The following ROBO1 variants were observed in gnomAD, a reference collection of about 807,000 sequenced individuals.
ROBO1 encodes the protein roundabout homolog 1.
ROBO1 carries 149 observed loss-of-function variants against 195.9 expected under a neutral mutation model. The observed-to-expected ratio is 0.76, with a 90% CI of 0.67 to 0.87. ROBO1 has a LOEUF of 0.87. Among genes scored for constraint, ROBO1 ranks in the 40% least tolerant of loss-of-function variants. The pLI is 0.00. For missense variants in ROBO1, 1,933 were observed against 2,068.3 expected, an observed-to-expected ratio of 0.93 and a Z score of 1.27; for synonymous variants, 816 against 733.2, an observed-to-expected ratio of 1.11 and a Z score of -1.82.
At chr3:79,043,155 G>A (rs1033123846) in intron 3 of ROBO1, among the ~76,000 whole-genome samples, 1 of 152,060 alleles carries the variant, frequency 6.6e-6, no homozygotes, top group African/African-American at 2.4e-5. Flanking sequence ...AACAGTAGAT[G>A]CAATTCATCA....
intron 4 of ROBO1, among the ~76,000 whole-genome samples, chr3:78,785,903 T>C (rs1381401476): frequency 6.6e-6 from 1 of 152,182 alleles, no homozygotes; most frequent in East Asian, 1.9e-4. Flanking sequence ...CAAGCAGCAG[T>C]CCAAAGAGGG....
intron 2 of ROBO1, among the ~76,000 whole-genome samples, chr3:79,545,448 T>A (rs1942229505): frequency 6.6e-6 from 1 of 152,160 alleles, no homozygotes; most frequent in Non-Finnish European, 1.5e-5. Flanking sequence ...CTTGCTAACC[T>A]TGCCAGAAGG....
chr3:79,029,083 A>C (rs2078250222), intron 3 of ROBO1, among the ~76,000 whole-genome samples: 2 of 152,092 alleles, frequency 1.3e-5, no homozygotes, highest in Non-Finnish European at 1.5e-5. Context: ...TGATTATGAC[A>C]TCACCATACA....
intron 5 of ROBO1, among the ~76,000 whole-genome samples, chr3:78,742,863 G>C (rs1462020816): frequency 1.3e-5 from 2 of 152,116 alleles, no homozygotes; most frequent in Non-Finnish European, 2.9e-5. Context: ...TGGGGGAACT[G>C]GTGCTCTTTA....
At chr3:79,596,759 G>T (rs1944183565) in intron 1 of ROBO1, among the ~76,000 whole-genome samples, 1 of 152,002 alleles carries the variant, frequency 6.6e-6, no homozygotes, top group South Asian at 2.1e-4. Flanking sequence ...CAAAATGTCA[G>T]AGAATTAGAA....
chr3:78,713,272 CT>C (rs112214497), intron 8 of ROBO1, among the ~76,000 whole-genome samples: 5,932 of 151,822 alleles, frequency 0.039, 385 homozygotes, highest in African/African-American at 0.14. Flanking sequence ...ATTCTTTACT[CT>C]TTTTTTTCTA....
intron 4 of ROBO1, among the ~76,000 whole-genome samples, chr3:78,798,648 C>A (rs2084256821): frequency 6.6e-6 from 1 of 152,092 alleles, no homozygotes; most frequent in Non-Finnish European, 1.5e-5. Flanking sequence ...CAAAAGAGAT[C>A]AAAAGAGATT....
At chr3:78,789,267 T>G (rs2108518088) in intron 4 of ROBO1, among the ~76,000 whole-genome samples, 1 of 152,222 alleles carries the variant, frequency 6.6e-6, no homozygotes, top group South Asian at 2.1e-4. Flanking sequence ...AGATTAAAGC[T>G]AAGATATTGA....
rs766280253 is a variant in ROBO1 at position 78,938,701 on chromosome 3, T to G, written c.399A>C (p.Val133=). The change falls in exon 4 of 31, where the codon GTA becomes GTC. Residue 133 remains valine (V), a synonymous_variant. Transcript: ENST00000464233. ...PSGSLFFLRI[V]HGRKSRPDEG... ...CATCAGGTCTACTTTTCCGTCCATG[T>G]ACTATACGTAAGAAAAATAAAGATC... 6.8e-6 allele frequency: 11 copies of G among 1,614,004 alleles called. No individual in the cohort carries two copies. In the South Asian group the frequency reaches 1.1e-4, roughly 16 times the overall value.
intron 2 of ROBO1, among the ~76,000 whole-genome samples, chr3:79,568,427 T>G (rs553056396): frequency 6.6e-6 from 1 of 151,796 alleles, no homozygotes; most frequent in Admixed American, 6.6e-5. Flanking sequence ...ATGCTTGAAC[T>G]TTAATTGCAG....
intron 25 of ROBO1, among the ~76,000 whole-genome samples, chr3:78,628,348 ATAG>A (rs1704954891): frequency 6.6e-6 from 1 of 152,154 alleles, no homozygotes; most frequent in Admixed American, 6.5e-5. Context: ...CTCTGAAATT[ATAG>A]TAGATCACTA....
At chr3:79,397,119 C>G (rs1161883083) in intron 2 of ROBO1, among the ~76,000 whole-genome samples, 1 of 151,806 alleles carries the variant, frequency 6.6e-6, no homozygotes, top group Admixed American at 6.6e-5. Flanking sequence ...AATGAAATAG[C>G]AATATATTCA....
intron 3 of ROBO1, among the ~76,000 whole-genome samples, chr3:79,113,631 G>C (rs546186008): frequency 5.9e-5 from 9 of 152,190 alleles, no homozygotes. Context: ...GCCAGGCACA[G>C]TGATGCAAGC....
intron 2 of ROBO1, among the ~76,000 whole-genome samples, chr3:79,588,711 G>C (rs1943905407): frequency 6.6e-6 from 1 of 151,642 alleles, no homozygotes; most frequent in Non-Finnish European, 1.5e-5. Context: ...ATAGGAACAG[G>C]CTAAAATAAG....
intron 8 of ROBO1, among the ~76,000 whole-genome samples, chr3:78,714,025 CA>C (rs1276872115): frequency 6.6e-6 from 1 of 152,102 alleles, no homozygotes; most frequent in Non-Finnish European, 1.5e-5. Context: ...TGTTTTCCTC[CA>C]AAGACAAAGT....
At chr3:78,711,415 C>CTTTCTT in intron 8 of ROBO1, among the ~76,000 whole-genome samples, 1 of 87,874 alleles carries the variant, frequency 1.1e-5, no homozygotes, top group South Asian at 4.1e-4. Flanking sequence ...TTCTTTCTTT[C>CTTTCTT]TTTCTTTCTT....
At chr3:78,602,601 G>A (rs1703242159) in intron 29 of ROBO1, among the ~76,000 whole-genome samples, 1 of 152,036 alleles carries the variant, frequency 6.6e-6, no homozygotes, top group South Asian at 2.1e-4. Flanking sequence ...CTGTCATAAG[G>A]GGAGGTATTT....
intron 4 of ROBO1, among the ~76,000 whole-genome samples, chr3:78,916,102 T>G (rs2038553395): frequency 6.6e-6 from 1 of 151,414 alleles, no homozygotes; most frequent in African/African-American, 2.4e-5. Context: ...ATACAAAAAA[T>G]TAGCCGGGTG....
chr3:79,199,755 A>G (rs2081726799), intron 2 of ROBO1, among the ~76,000 whole-genome samples: 1 of 151,466 alleles, frequency 6.6e-6, no homozygotes. Flanking sequence ...ATGTGGCTTG[A>G]GGATTCAATC....
Sources: gnomAD v4.1 joint callset for allele counts (sites outside exome capture counted in the v4.1 genomes callset) on GRCh38, gnomAD v4.1.1 for gene constraint, MANE v1.5 for transcripts, NCBI Gene and HGNC (gene_info 2026-07-23, HGNC 2026-07-21) for gene names.